The following C9 variants were observed in gnomAD, a reference collection of about 807,000 sequenced individuals.
C9 encodes the protein complement component C9.
In C9, 63 loss-of-function variants were observed where a neutral mutation model predicts 65.4. The ratio of observed to expected loss-of-function variants is 0.96; its 90% CI spans 0.79 to 1.19. C9 has a LOEUF of 1.19. Among genes scored for constraint, C9 ranks in the 50% most tolerant of loss-of-function variants. C9 has a pLI of 0.00. For synonymous variants in C9, 229 were observed against 227.9 expected, an observed-to-expected ratio of 1.00 and a Z score of -0.04; for missense variants, 744 against 670.1, an observed-to-expected ratio of 1.11 and a Z score of -1.22.
chr5:39,321,181 G>C (rs551222496), intron 5 of C9, among the ~76,000 whole-genome samples: 1 of 151,976 alleles, frequency 6.6e-6, no homozygotes, highest in Admixed American at 6.6e-5. Context: ...TCTGTAGTAT[G>C]AAAATTAAAA....
rs567763414 is a variant in C9, at chr5:39,347,652, T to C, written c.78-5456A>G. ...ATCAAGCTACCAATGACTTTCTTCA[T>C]AGAATTGGAAAAACTACTTTAAAGT... On this transcript the variant is annotated intron_variant, in intron 1 of 10. Coordinates refer to ENST00000263408, the MANE Select transcript of C9 (RefSeq NM_001737.5). Among the ~76,000 whole-genome samples the C allele has an allele frequency of 1.5e-3, 224 of 152,210 alleles. 1 individual carries two copies. Among genetic ancestry groups the C allele is most frequent in the African/African-American group, 3.9e-3 (164 of 41,530 alleles).
At chr5:39,325,677 C>T (rs1013442313) in intron 5 of C9, among the ~76,000 whole-genome samples, 1 of 147,914 alleles carries the variant, frequency 6.8e-6, no homozygotes, top group African/African-American at 2.5e-5. Context: ...GAGGCTGAGG[C>T]AGGAGAATCG....
chr5:39,295,023 AC>A (rs1330756138), intron 9 of C9, among the ~76,000 whole-genome samples: 2 of 151,924 alleles, frequency 1.3e-5, no homozygotes, highest in Admixed American at 1.3e-4. Context: ...TCTTTGTGAT[AC>A]AAATTCTCGA....
At chr5:39,322,438 A>G (rs1753679643) in intron 5 of C9, among the ~76,000 whole-genome samples, 1 of 152,082 alleles carries the variant, frequency 6.6e-6, no homozygotes. Context: ...ACTGAAGGGC[A>G]AACTAAGCTT....
At chr5:39,286,712 G>C (rs879841302) in intron 10 of C9, among the ~76,000 whole-genome samples, 10 of 137,938 alleles carry the variant, frequency 7.2e-5, no homozygotes, top group Non-Finnish European at 1.5e-4. Flanking sequence ...CATTTTTGGA[G>C]AGTGAGAGTT....
chr5:39,336,403 T>C lies in C9; in HGVS notation c.477-4589A>G, dbSNP rs542555540. 2.8e-4 allele frequency among the ~76,000 whole-genome samples: 42 copies of C among 152,246 alleles called. 1 individual carries two copies. In the South Asian group the frequency reaches 8.3e-3, roughly 30 times the overall value. ...AAAGTTTTTATTGATTGTCTTGTCATACTTTTCTGTACCAAAAAGATATTA... is the reference window on the plus strand; with the variant it reads ...AAAGTTTTTATTGATTGTCTTGTCACACTTTTCTGTACCAAAAAGATATTA... On this transcript the variant is annotated intron_variant, in intron 4 of 10. Coordinates refer to ENST00000263408, the MANE Select transcript of C9 (RefSeq NM_001737.5).
In C9 at chr5:39,340,759, A is replaced by G. The variant is rs551028017; in HGVS notation, c.476+387T>C. On this transcript the variant is annotated intron_variant, in intron 4 of 10. Coordinates refer to ENST00000263408, the MANE Select transcript of C9 (RefSeq NM_001737.5). ...TCCAATGGAAGACAGCCTTCCCAGC[A>G]ATGCAAATATTTGAATTGAATTGCT... 2.0e-5 allele frequency among the ~76,000 whole-genome samples: 3 copies of G among 152,360 alleles called. No homozygotes were observed. In the South Asian group the frequency reaches 6.2e-4, roughly 32 times the overall value.
intron 7 of C9, among the ~76,000 whole-genome samples, 184 bp downstream of exon 7, chr5:39,310,953 A>C (rs953455548): frequency 3.9e-5 from 6 of 152,180 alleles, no homozygotes; most frequent in Admixed American, 3.9e-4. Context: ...AGCTTGTTTG[A>C]GATGGAAGTC....
At chr5:39,313,058 C>T (rs998491150) in intron 6 of C9, among the ~76,000 whole-genome samples, 24 of 152,108 alleles carry the variant, frequency 1.6e-4, no homozygotes, top group Non-Finnish European at 3.4e-4. Context: ...GTAAGAAAGA[C>T]ATGTGATGTT....
At chr5:39,329,297 T>C (rs1441876656) in intron 5 of C9, among the ~76,000 whole-genome samples, 1 of 152,218 alleles carries the variant, frequency 6.6e-6, no homozygotes, top group Non-Finnish European at 1.5e-5. Flanking sequence ...CTTTAACTAA[T>C]TATACTCTAA....
At chr5:39,341,115 T>G (rs1292925308) in intron 4 of C9, 31 bp downstream of exon 4, 2 of 1,612,610 alleles carry the variant, frequency 1.2e-6, no homozygotes. Flanking sequence ...TCACTCATTT[T>G]CATCTGAAAA....
chr5:39,317,126 T>A (rs949097044), intron 5 of C9, among the ~76,000 whole-genome samples: 6 of 152,236 alleles, frequency 3.9e-5, no homozygotes, highest in Non-Finnish European at 5.9e-5. Flanking sequence ...CATATGTTTG[T>A]TGGCCACATG....
chr5:39,342,321 A>G (rs1166437880), intron 1 of C9, 125 bp from the exon 2 acceptor site: 9 of 628,108 alleles, frequency 1.4e-5, no homozygotes, highest in African/African-American at 9.1e-5. Context: ...TCTTTTTACT[A>G]TATCTCTCAT....
At chr5:39,316,942 G>A (rs1252564731) in intron 5 of C9, among the ~76,000 whole-genome samples, 2 of 152,134 alleles carry the variant, frequency 1.3e-5, no homozygotes, top group Non-Finnish European at 2.9e-5. Context: ...CACAATAGTT[G>A]AACCAATTTA....
chr5:39,337,988 G>A (rs1205912244), intron 4 of C9, among the ~76,000 whole-genome samples: 4 of 152,184 alleles, frequency 2.6e-5, no homozygotes, highest in African/African-American at 9.7e-5. Flanking sequence ...TATGATTAGG[G>A]AGTGTACTCC....
At chr5:39,347,616 AT>A (rs1332431130) in intron 1 of C9, among the ~76,000 whole-genome samples, 1 of 152,196 alleles carries the variant, frequency 6.6e-6, no homozygotes, top group Non-Finnish European at 1.5e-5. Flanking sequence ...TATAGATTCA[AT>A]GCCATCCCTA....
intron 7 of C9, 69 bp from the exon 8 acceptor site, chr5:39,308,427 G>T: frequency 7.6e-7 from 1 of 1,313,832 alleles, no homozygotes; most frequent in Non-Finnish European, 1.1e-6. Context: ...TTCCAATTTT[G>T]CTATTTTCAA....
In C9 at chr5:39,331,663, C is replaced by T. The variant is rs373491623; in HGVS notation, c.615+13G>A. The T allele has an allele frequency of 1.2e-4, 190 of 1,613,106 alleles. 1 individual carries two copies. Among genetic ancestry groups the T allele is most frequent in the Admixed American group, 3.2e-4 (19 of 59,994 alleles). On this transcript the variant is annotated intron_variant, in intron 5 of 10. Transcript: ENST00000263408. ...AAAAGTTGAACAATGTGTTTTCCTC[C>T]GAGGAGACTTACTTCATAGATCAAA...
chr5:39,341,968 A>C, intron 2 of C9, 123 bp downstream of exon 2: 1 of 741,210 alleles, frequency 1.3e-6, no homozygotes. Context: ...TTAAATGTTT[A>C]TCTCTCTTTC....
Sources: gnomAD v4.1 joint callset for allele counts (sites outside exome capture counted in the v4.1 genomes callset) on GRCh38, gnomAD v4.1.1 for gene constraint, MANE v1.5 for transcripts, NCBI Gene and HGNC (gene_info 2026-07-23, HGNC 2026-07-21) for gene names.